Variants in TLR6 observed in about 807,000 individuals in gnomAD.
TLR6 encodes toll like receptor 6.
In TLR6, 9 loss-of-function variants were observed where a neutral mutation model predicts 16.1. The observed-to-expected ratio is 0.56, with a 90% confidence interval of 0.34 to 0.98. The LOEUF (loss-of-function observed/expected upper bound fraction) is 0.98. Ranked by LOEUF, TLR6 falls within the 50% of genes least tolerant of loss-of-function variation. The pLI, the probability that TLR6 is intolerant of heterozygous loss-of-function variation, is 0.02. For missense variants in TLR6, 786 were observed against 921.0 expected, an observed-to-expected ratio of 0.85 and a Z score of 1.90; for synonymous variants, 340 against 338.6, an observed-to-expected ratio of 1.00 and a Z score of -0.04.
chr4:38,853,334 C>A (rs1712843966), intron 1 of TLR6, among the ~76,000 whole-genome samples: 1 of 150,492 alleles, frequency 6.6e-6, no homozygotes. Flanking sequence ...ACATATATAA[C>A]AAACCTGCAT....
At chr4:38,857,014 C>A (rs559576811), upstream of TLR6, among the ~76,000 whole-genome samples, 6 of 152,310 alleles carry the variant, frequency 3.9e-5, no homozygotes, top group East Asian at 9.6e-4. Context: ...TGTGAGGAAG[C>A]AACTTACAAA....
chr4:38,855,852 T>TAA (rs1712962600), intron 1 of TLR6, among the ~76,000 whole-genome samples: 1 of 119,316 alleles, frequency 8.4e-6, no homozygotes, highest in Admixed American at 8.2e-5. Flanking sequence ...GTTCACAGTT[T>TAA]TTTAAAGAAA....
At chr4:38,849,991 A>G (rs113119125) in intron 1 of TLR6, among the ~76,000 whole-genome samples, 4,732 of 152,254 alleles carry the variant, frequency 0.031, 217 homozygotes, top group African/African-American at 0.087. Context: ...AAAGCACTCC[A>G]CAGCAAATGT....
chr4:38,828,001 A>T lies in TLR6; in HGVS notation c.1473T>A (p.Cys491Ter). 3 of 1,614,120 alleles carry T rather than the reference A, an allele frequency of 1.9e-6. No individual in the cohort carries two copies. The highest frequency in any genetic ancestry group is 2.5e-6 in the Non-Finnish European group (3 of 1,179,950). ...ATACAGAAAGGCTGCTAAAGCTGCCACATCCAGGAAGGTCAGTTAAAGAAT... is the reference window on the plus strand; with the variant it reads ...ATACAGAAAGGCTGCTAAAGCTGCCTCATCCAGGAAGGTCAGTTAAAGAAT... Residue 491 changes from cysteine to a stop codon, truncating the protein, a stop_gained, in exon 2 of 2, where the codon TGT becomes TGA. Transcript: ENST00000436693. LOFTEE classifies it high-confidence loss of function.
intron 1 of TLR6, among the ~76,000 whole-genome samples, chr4:38,856,419 G>T (rs1712990937): frequency 6.6e-6 from 1 of 152,152 alleles, no homozygotes; most frequent in Non-Finnish European, 1.5e-5. Context: ...AAAAATTACT[G>T]TTAAATGTTA....
intron 1 of TLR6, among the ~76,000 whole-genome samples, chr4:38,840,208 A>G (rs1408217107): frequency 6.6e-6 from 1 of 152,262 alleles, no homozygotes; most frequent in Non-Finnish European, 1.5e-5. Context: ...TTAAAAATAC[A>G]TTATTTGTCT....
exon 2 of TLR6, chr4:38,828,476 A>T: frequency 1.2e-6 from 2 of 1,614,174 alleles, no homozygotes; most frequent in Non-Finnish European, 1.7e-6. Context: ...TAACATCATA[A>T]TGTTCATCTC....
upstream of TLR6, among the ~76,000 whole-genome samples, chr4:38,857,405 TAATA>T (rs1713035583): frequency 1.3e-5 from 2 of 152,176 alleles, no homozygotes; most frequent in Non-Finnish European, 2.9e-5. Flanking sequence ...AATTTAGGAA[TAATA>T]AATAACACTG....
At chr4:38,840,122 T>C (rs1431290156) in intron 1 of TLR6, among the ~76,000 whole-genome samples, 1 of 152,224 alleles carries the variant, frequency 6.6e-6, no homozygotes, top group Non-Finnish European at 1.5e-5. Flanking sequence ...TTTTCTTCCA[T>C]TCAGCCCAAT....
chr4:38,854,629 G>T (rs1193989418), intron 1 of TLR6, among the ~76,000 whole-genome samples: 2 of 152,004 alleles, frequency 1.3e-5, no homozygotes, highest in African/African-American at 4.8e-5. Flanking sequence ...ACTTAGGCAG[G>T]AATGAAAAAT....
At chr4:38,854,322 T>C (rs1321235324) in intron 1 of TLR6, among the ~76,000 whole-genome samples, 1 of 152,202 alleles carries the variant, frequency 6.6e-6, no homozygotes, top group Non-Finnish European at 1.5e-5. Flanking sequence ...GACCAGCCAT[T>C]AGATGCTATT....
chr4:38,854,931 C>T (rs962122709), intron 1 of TLR6, among the ~76,000 whole-genome samples: 2 of 152,022 alleles, frequency 1.3e-5, no homozygotes, highest in South Asian at 2.1e-4. Flanking sequence ...AAATTATGGC[C>T]GGGCGCAGTG....
chr4:38,823,521 G>A (rs529079894), downstream of TLR6, among the ~76,000 whole-genome samples: 61 of 152,210 alleles, frequency 4.0e-4, no homozygotes, highest in African/African-American at 1.4e-3. Context: ...ATCTTACTAC[G>A]GGATCTATTG....
intron 1 of TLR6, among the ~76,000 whole-genome samples, chr4:38,844,664 G>A (rs1504239): frequency 0.25 from 37,343 of 152,046 alleles, 5,064 homozygotes; most frequent in Non-Finnish European, 0.28. Flanking sequence ...TTGTTTTTTA[G>A]GTCAAATACA....
At chr4:38,828,341 T>C in exon 2 of TLR6, 1 of 1,613,420 alleles carries the variant, frequency 6.2e-7, no homozygotes, top group Non-Finnish European at 8.5e-7. Flanking sequence ...TGTCTCCAAT[T>C]TAACTAACGT....
chr4:38,829,165 T>G, exon 2 of TLR6: 1 of 1,614,142 alleles, frequency 6.2e-7, no homozygotes, highest in Non-Finnish European at 8.5e-7. Context: ...AATCCAAATA[T>G]TCTAAATCCT....
intron 1 of TLR6, among the ~76,000 whole-genome samples, chr4:38,848,069 C>A (rs1263519000): frequency 6.6e-6 from 1 of 152,198 alleles, no homozygotes; most frequent in Non-Finnish European, 1.5e-5. Flanking sequence ...TGGCCAGGTA[C>A]CCCTCTGAGA....
upstream of TLR6, among the ~76,000 whole-genome samples, chr4:38,859,010 G>T (rs1713136064): frequency 6.6e-6 from 1 of 152,198 alleles, no homozygotes; most frequent in Non-Finnish European, 1.5e-5. Context: ...GCATTGCTGT[G>T]ACTACTTTCC....
intron 1 of TLR6, among the ~76,000 whole-genome samples, chr4:38,848,374 A>G (rs746839708): frequency 6.6e-6 from 1 of 152,220 alleles, no homozygotes. Flanking sequence ...AAATCAGAGC[A>G]CCTCTCCCAC....
Sources: gnomAD v4.1 joint callset for allele counts (sites outside exome capture counted in the v4.1 genomes callset) on GRCh38, gnomAD v4.1.1 for gene constraint, MANE v1.5 for transcripts, NCBI Gene and HGNC (gene_info 2026-07-23, HGNC 2026-07-21) for gene names.